The following ACTR3C variants were observed in gnomAD, a reference collection of about 807,000 sequenced individuals.
The protein encoded by ACTR3C is actin-related protein 3C.
In ACTR3C, 18 loss-of-function variants were observed where a neutral mutation model predicts 26.3. The ratio of observed to expected loss-of-function variants is 0.68; its 90% CI spans 0.47 to 1.01. The LOEUF (loss-of-function observed/expected upper bound fraction) is 1.01. ACTR3C is among the 50% of genes least tolerant of loss of function. ACTR3C has a pLI of 0.00. For synonymous variants in ACTR3C, 55 were observed against 94.5 expected (o/e 0.58, Z 2.42); for missense variants, 184 against 250.7 (o/e 0.73, Z 1.80).
chr7:149,919,453 C>G, the ACTR3C span, among the ~76,000 whole-genome samples: 7 of 152,090 alleles, frequency 4.6e-5, no homozygotes, highest in African/African-American at 1.7e-4. Context: ...GTTGGCCAGG[C>G]TGGTCTCGAA....
the ACTR3C span, among the ~76,000 whole-genome samples, chr7:149,889,699 A>T: frequency 8.5e-5 from 13 of 152,136 alleles, no homozygotes; most frequent in African/African-American, 2.9e-4. Flanking sequence ...TCCACAAAAA[A>T]TTTTTAAAAA....
chr7:150,068,068 T>C, the ACTR3C span, among the ~76,000 whole-genome samples: 41 of 152,300 alleles, frequency 2.7e-4, no homozygotes, highest in African/African-American at 8.2e-4. Context: ...AAAAATAAAA[T>C]GTATTTATAT....
the ACTR3C span, among the ~76,000 whole-genome samples, chr7:150,162,941 C>G: frequency 6.6e-6 from 1 of 152,092 alleles, no homozygotes; most frequent in Non-Finnish European, 1.5e-5. Context: ...CACCTGAGGT[C>G]AGGAGTTCGA....
At chr7:150,146,940 G>A in the ACTR3C span, among the ~76,000 whole-genome samples, 34 of 152,298 alleles carry the variant, frequency 2.2e-4, no homozygotes, top group African/African-American at 8.2e-4. Flanking sequence ...AGAACCTTAA[G>A]TCATGTACCC....
the ACTR3C span, among the ~76,000 whole-genome samples, chr7:149,963,705 C>T: frequency 1.9e-3 from 282 of 152,328 alleles, 2 homozygotes; most frequent in African/African-American, 6.5e-3. Flanking sequence ...CAAAGGGTGA[C>T]ACGGAGCAGC....
the ACTR3C span, among the ~76,000 whole-genome samples, chr7:149,916,880 T>A: frequency 2.6e-5 from 4 of 152,086 alleles, no homozygotes; most frequent in South Asian, 4.2e-4. Context: ...AATAGCTGCA[T>A]AAAGCACTAC....
chr7:149,909,180 T>C, the ACTR3C span, among the ~76,000 whole-genome samples: 2 of 151,644 alleles, frequency 1.3e-5, no homozygotes, highest in African/African-American at 4.9e-5. Context: ...AGGACACTTC[T>C]GTTATTCTCT....
chr7:150,039,380 T>C, the ACTR3C span, among the ~76,000 whole-genome samples: 1 of 86,164 alleles, frequency 1.2e-5, no homozygotes, highest in African/African-American at 3.6e-5. Flanking sequence ...GCGATGGGGG[T>C]CCTAAGAACC....
At chr7:150,183,946 G>T in the ACTR3C span, among the ~76,000 whole-genome samples, 3 of 150,348 alleles carry the variant, frequency 2.0e-5, no homozygotes, top group East Asian at 1.9e-4. Context: ...TCCCCTACTT[G>T]CTCTCATTCT....
the ACTR3C span, among the ~76,000 whole-genome samples, chr7:150,046,179 CTG>C: frequency 1.3e-5 from 2 of 152,134 alleles, no homozygotes; most frequent in Admixed American, 6.5e-5. Flanking sequence ...GGGTGTGTAC[CTG>C]TGTGTGTGCA....
intron 6 of ACTR3C, among the ~76,000 whole-genome samples, chr7:150,255,378 T>A (rs6957947): frequency 0.044 from 6,635 of 152,050 alleles, 464 homozygotes; most frequent in African/African-American, 0.15. Context: ...TAGTAGGGTT[T>A]TGACTTGAAC....
intron 3 of ACTR3C, among the ~76,000 whole-genome samples, chr7:150,289,894 A>G (rs1836100584): frequency 6.6e-6 from 1 of 152,264 alleles, no homozygotes; most frequent in Admixed American, 6.5e-5. Context: ...TCATTTCCAA[A>G]AAGAAATGCT....
the ACTR3C span, among the ~76,000 whole-genome samples, chr7:150,178,787 T>C: frequency 6.6e-6 from 1 of 150,858 alleles, no homozygotes; most frequent in Non-Finnish European, 1.5e-5. Context: ...AACCAATGAA[T>C]TGTGGCATTG....
At chr7:149,993,228 C>T in the ACTR3C span, among the ~76,000 whole-genome samples, 1 of 149,062 alleles carries the variant, frequency 6.7e-6, no homozygotes, top group Non-Finnish European at 1.5e-5. Context: ...AGAAATCACA[C>T]ATTACCAGCT....
At chr7:149,946,180 G>C in the ACTR3C span, among the ~76,000 whole-genome samples, 1 of 152,214 alleles carries the variant, frequency 6.6e-6, no homozygotes, top group Non-Finnish European at 1.5e-5. Flanking sequence ...AGCGCTCCAG[G>C]AATCAGGACT....
the ACTR3C span, among the ~76,000 whole-genome samples, chr7:150,036,167 C>CA: frequency 3.9e-4 from 54 of 137,418 alleles, 2 homozygotes; most frequent in African/African-American, 1.3e-3. Context: ...TGCCTCCCCC[C>CA]CCGCGATGGG....
the ACTR3C span, among the ~76,000 whole-genome samples, chr7:149,990,530 G>A: frequency 1.6e-5 from 2 of 124,830 alleles, no homozygotes; most frequent in Middle Eastern, 3.3e-3. Flanking sequence ...TATAACGCCT[G>A]GCCTAGCGGT....
At chr7:150,102,990 G>T in the ACTR3C span, among the ~76,000 whole-genome samples, 289 of 152,148 alleles carry the variant, frequency 1.9e-3, 1 homozygote, top group Middle Eastern at 3.4e-3. Flanking sequence ...CTGATTGTTG[G>T]ATGCCTTAAT....
At chr7:150,042,291 CCCCAGAGCCAGGGGGGGAAGAGGGACTGG>C in the ACTR3C span, among the ~76,000 whole-genome samples, 1 of 50,838 alleles carries the variant, frequency 2.0e-5, no homozygotes, top group Non-Finnish European at 3.8e-5. Context: ...CGATGGGGGT[CCCCAGAGCCAGGGGGGGAAGAGGGACTGG>C]CTCTCAGTCC....
Sources: gnomAD v4.1 joint callset for allele counts (sites outside exome capture counted in the v4.1 genomes callset) on GRCh38, gnomAD v4.1.1 for gene constraint, MANE v1.5 for transcripts, NCBI Gene and HGNC (gene_info 2026-07-23, HGNC 2026-07-21) for gene names.